The following TRAM1 variants were observed in gnomAD, a reference collection of about 807,000 sequenced individuals.
TRAM1 encodes the protein translocation associated membrane protein 1.
In TRAM1, 17 loss-of-function variants were observed where a neutral mutation model predicts 48.7. The observed-to-expected ratio is 0.35, with a 90% CI of 0.24 to 0.52. The LOEUF is 0.52. Ranked by LOEUF, TRAM1 falls within the 20% of genes least tolerant of loss-of-function variation. The pLI is 0.94. For missense variants in TRAM1, 351 were observed against 441.5 expected (o/e 0.79, Z 1.84); for synonymous variants, 182 against 154.0 (o/e 1.18, Z -1.34).
chr8:70,574,361 G>A lies in TRAM1; in HGVS notation c.*571C>T. ...TATTATGTTTTTGTTTTTAAAATGGGGATGTAATACTAATAACCACTACCT... is the reference window on the plus strand; with the variant it reads ...TATTATGTTTTTGTTTTTAAAATGGAGATGTAATACTAATAACCACTACCT... On this transcript the variant is annotated 3_prime_UTR_variant, in exon 11 of 11. Transcript: ENST00000262213. 1 of 281,328 alleles carries A rather than the reference G, an allele frequency of 3.6e-6. No individual in the cohort carries two copies. Among genetic ancestry groups the A allele is most frequent in the Non-Finnish European group, 6.9e-6 (1 of 144,462 alleles). The allele number at this position is 281,328 out of a possible 1,614,324, so 17.4% of individuals were successfully genotyped here.
At chr8:70,579,444 A>T (rs957056428) in intron 10 of TRAM1, among the ~76,000 whole-genome samples, 8 of 152,216 alleles carry the variant, frequency 5.3e-5, no homozygotes, top group Non-Finnish European at 1.2e-4. Flanking sequence ...TTAGCACGTA[A>T]CTATATAGTT....
rs2132018798 is a variant in TRAM1, at chr8:70,574,138, G to A, written c.*794C>T. On this transcript the variant is annotated 3_prime_UTR_variant, in exon 11 of 11. Coordinates refer to ENST00000262213, the MANE Select transcript of TRAM1 (RefSeq NM_014294.6). ...ATGCTGTGCATATTAAACTTATTAT[G>A]AGCCCCATTAAGAATCATTATTAAT... 3.0e-6 allele frequency: 1 copy of A among 332,594 alleles called. No individual in the cohort carries two copies. Among genetic ancestry groups the A allele is most frequent in the Non-Finnish European group, 5.7e-6 (1 of 175,610 alleles). 20.6% of individuals were successfully genotyped at this position (332,594 alleles called of 1,614,324 possible).
chr8:70,586,168 C>T (rs1233675005), intron 8 of TRAM1, among the ~76,000 whole-genome samples: 1 of 149,728 alleles, frequency 6.7e-6, no homozygotes, highest in African/African-American at 2.5e-5. Context: ...CAAACTATCG[C>T]AAAGACAAAA....
At chr8:70,578,304 T>C (rs67074395) in intron 10 of TRAM1, among the ~76,000 whole-genome samples, 17,484 of 152,228 alleles carry the variant, frequency 0.11, 1,166 homozygotes, top group African/African-American at 0.18. Context: ...AGACAGAGTT[T>C]CGTCATGTTG....
intron 10 of TRAM1, among the ~76,000 whole-genome samples, chr8:70,581,212 C>A (rs1349391716): frequency 6.6e-6 from 1 of 152,136 alleles, no homozygotes; most frequent in East Asian, 1.9e-4. Flanking sequence ...ATAGCAAGAT[C>A]CCGTCACTTA....
At chr8:70,603,182 T>C (rs1329597495) in intron 1 of TRAM1, among the ~76,000 whole-genome samples, 24 of 152,132 alleles carry the variant, frequency 1.6e-4, no homozygotes, top group Admixed American at 1.6e-3. Context: ...TGTGATTATT[T>C]TTAGTAAAGT....
intron 10 of TRAM1, among the ~76,000 whole-genome samples, chr8:70,580,098 T>TA (rs2132024931): frequency 6.6e-6 from 1 of 152,284 alleles, no homozygotes; most frequent in South Asian, 2.1e-4. Context: ...ACCTATAAAA[T>TA]ATCTCCTTCA....
At chr8:70,588,668 C>T (rs551081087) in intron 6 of TRAM1, among the ~76,000 whole-genome samples, 1 of 152,218 alleles carries the variant, frequency 6.6e-6, no homozygotes, top group African/African-American at 2.4e-5. Context: ...ATTTTACACA[C>T]ACACAAACAC....
intron 1 of TRAM1, among the ~76,000 whole-genome samples, chr8:70,602,541 C>T (rs1817626564): frequency 6.6e-6 from 1 of 152,090 alleles, no homozygotes; most frequent in Admixed American, 6.5e-5. Flanking sequence ...CTTCAAAAGA[C>T]AGGAAAATGA....
intron 6 of TRAM1, among the ~76,000 whole-genome samples, chr8:70,589,154 G>A (rs1817293993): frequency 6.6e-6 from 1 of 152,140 alleles, no homozygotes; most frequent in South Asian, 2.1e-4. Flanking sequence ...AAGACAGTCT[G>A]AATATTACAA....
At chr8:70,583,424 T>C (rs950625906) in intron 9 of TRAM1, 100 bp from the exon 10 acceptor site, 1 of 1,369,914 alleles carries the variant, frequency 7.3e-7, no homozygotes, top group Admixed American at 2.7e-5. Flanking sequence ...TCCCACTCAG[T>C]TGAGAAAATT....
At chr8:70,576,069 TAAAAAAAAAAGA>T (rs1203562131) in intron 10 of TRAM1, among the ~76,000 whole-genome samples, 4 of 40,116 alleles carry the variant, frequency 1.0e-4, no homozygotes, top group Non-Finnish European at 1.1e-4. Flanking sequence ...AGACTCCATC[TAAAAAAAAAAGA>T]AAAAAAAAAA....
intron 3 of TRAM1, 60 bp from the exon 4 acceptor site, chr8:70,598,071 G>T: frequency 6.5e-7 from 1 of 1,548,736 alleles, no homozygotes; most frequent in South Asian, 1.3e-5. Flanking sequence ...TTTAATATAT[G>T]ACTAGCAGAT....
chr8:70,600,032 G>T lies in TRAM1; in HGVS notation c.174C>A (p.Thr58=), dbSNP rs762992369. 3 of 1,613,550 alleles carry T rather than the reference G, an allele frequency of 1.9e-6. No homozygotes were observed. The highest frequency in any genetic ancestry group is 2.5e-6 in the Non-Finnish European group (3 of 1,179,684). ...TAAATTACCTACCTGTTGCTGGGAG[G>T]GTGACATTGTACTGAAGAGTAACAA... ...IIFVTLQYNV[T]LPATEEQATE... The change falls in exon 2 of 11, where the codon ACC becomes ACA. Residue 58 remains threonine, a synonymous_variant. Coordinates refer to ENST00000262213, the MANE Select transcript of TRAM1 (RefSeq NM_014294.6).
intron 5 of TRAM1, among the ~76,000 whole-genome samples, chr8:70,595,524 C>G (rs943870039): frequency 1.3e-5 from 2 of 152,042 alleles, no homozygotes; most frequent in Admixed American, 6.6e-5. Context: ...GTGTAGGTGA[C>G]AAGCACTTGC....
intron 2 of TRAM1, 26 bp downstream of exon 2, chr8:70,599,993 G>T: frequency 6.3e-7 from 1 of 1,597,012 alleles, no homozygotes; most frequent in Non-Finnish European, 8.6e-7. Context: ...TATTTACGTA[G>T]AAAATTCTTA....
In TRAM1 at chr8:70,608,228, G is replaced by T; in HGVS notation, c.-29C>A. 3 of 1,572,424 alleles carry T rather than the reference G, an allele frequency of 1.9e-6. No homozygotes were observed. The highest frequency in any genetic ancestry group is 1.7e-6 in the Non-Finnish European group (2 of 1,163,458). On this transcript the variant is annotated 5_prime_UTR_variant, in exon 1 of 11. Coordinates refer to ENST00000262213, the MANE Select transcript of TRAM1 (RefSeq NM_014294.6). ...GGGGCCGCCGCCCGCGCCTGCAGGT[G>T]CTCCGCCCCGGTTCTGCTCTTCCCA...
intron 10 of TRAM1, among the ~76,000 whole-genome samples, chr8:70,580,219 T>A (rs184808809): frequency 9.1e-4 from 139 of 152,326 alleles, no homozygotes; most frequent in African/African-American, 3.1e-3. Context: ...GCCAGTATTA[T>A]CTTGATACTA....
intron 9 of TRAM1, 73 bp from the exon 10 acceptor site, chr8:70,583,397 T>A (rs1170784645): frequency 6.2e-6 from 9 of 1,461,508 alleles, no homozygotes; most frequent in African/African-American, 1.4e-5. Context: ...TCATCTTTCA[T>A]AGTATTTAGT....
Sources: allele counts gnomAD v4.1 joint callset (sites outside exome capture counted in the v4.1 genomes callset), GRCh38; gene constraint gnomAD v4.1.1; transcripts MANE v1.5; gene names NCBI Gene and HGNC (gene_info 2026-07-23, HGNC 2026-07-21).